Variants in CRIM1 observed in about 807,000 individuals in gnomAD.
The protein encoded by CRIM1 is cysteine-rich motor neuron 1 protein.
A neutral mutation model predicts 116.4 loss-of-function variants in CRIM1; 32 were observed. The ratio of observed to expected loss-of-function variants is 0.27; its 90% CI spans 0.21 to 0.37. CRIM1 has a LOEUF of 0.37. Among genes scored for constraint, CRIM1 ranks in the 10% least tolerant of loss-of-function variants. The pLI, the probability that CRIM1 is intolerant of heterozygous loss-of-function variation, is 1.00. For missense variants in CRIM1, 1,331 were observed against 1,354.8 expected (o/e 0.98, Z 0.28); for synonymous variants, 590 against 509.2 (o/e 1.16, Z -2.13).
In CRIM1 at chr2:36,479,582, C is replaced by G; in HGVS notation, c.1260C>G (p.Asp420Glu). Residue 420 changes from aspartate to glutamate, a missense_variant, in exon 7 of 17, where the codon GAC becomes GAG. This residue lies in a region of CRIM1 where 690 missense variants were observed against 676.0 expected (regional missense o/e 1.02). Coordinates refer to ENST00000280527, the MANE Select transcript of CRIM1 (RefSeq NM_016441.3). ...ACGGAGACCGGTGGCGGGAAGACGA[C>G]TGCACATTCTGCCAGTGCGTCAACG... is the stretch of plus-strand genomic sequence containing the variant. ...LAHGDRWRED[D>E]CTFCQCVNGE... 1.2e-6 allele frequency: 2 copies of G among 1,614,226 alleles called. No homozygotes were observed. Among genetic ancestry groups the G allele is most frequent in the Non-Finnish European group, 1.7e-6 (2 of 1,180,046 alleles).
chr2:36,476,403 G>T (rs571771306), intron 5 of CRIM1, among the ~76,000 whole-genome samples: 1 of 152,136 alleles, frequency 6.6e-6, no homozygotes. Context: ...AAAATTATAC[G>T]TGTTTATACC....
Position 36,548,891 on chromosome 2 carries a change from G to C in CRIM1, c.*190G>C, listed in dbSNP as rs766978014. ...AACAAGCATTCCCACTTTTCCTCAA[G>C]ATAACTGACCAAGTGTTTTCTTAGA... On this transcript the variant is annotated 3_prime_UTR_variant, in exon 17 of 17. Transcript: ENST00000280527. The C allele has an allele frequency of 3.2e-4, 126 of 395,700 alleles. No homozygotes were observed. The highest frequency in any genetic ancestry group is 5.0e-4 in the Non-Finnish European group (113 of 226,102). The allele number at this position is 395,700 out of a possible 1,614,324, so 24.5% of individuals were successfully genotyped here.
chr2:36,365,997 A>G (rs983054597), intron 1 of CRIM1, among the ~76,000 whole-genome samples: 2 of 152,224 alleles, frequency 1.3e-5, no homozygotes, highest in African/African-American at 4.8e-5. Flanking sequence ...AAGTGCTGGG[A>G]TTACAGGCGT....
chr2:36,535,246 GGA>G (rs1291925687), intron 13 of CRIM1, among the ~76,000 whole-genome samples: 1 of 151,612 alleles, frequency 6.6e-6, no homozygotes, highest in Admixed American at 6.6e-5. Flanking sequence ...GGAGGGGGAA[GGA>G]GAGAGGGGAA....
At chr2:36,522,540 G>A (rs777174734) in intron 13 of CRIM1, among the ~76,000 whole-genome samples, 2 of 152,066 alleles carry the variant, frequency 1.3e-5, no homozygotes, top group African/African-American at 2.4e-5. Context: ...GGTGGCTCAC[G>A]CCTGCAATCC....
At chr2:36,421,364 C>G (rs1385134116) in intron 2 of CRIM1, among the ~76,000 whole-genome samples, 1 of 152,174 alleles carries the variant, frequency 6.6e-6, no homozygotes, top group African/African-American at 2.4e-5. Context: ...TGCTTACTCA[C>G]TATTACAATT....
intron 13 of CRIM1, among the ~76,000 whole-genome samples, chr2:36,533,829 A>C (rs1666286228): frequency 6.6e-6 from 1 of 152,180 alleles, no homozygotes; most frequent in Non-Finnish European, 1.5e-5. Flanking sequence ...TATCATTCAG[A>C]AAACACCACA....
chr2:36,411,383 A>T (rs767029506), intron 2 of CRIM1, among the ~76,000 whole-genome samples: 1 of 152,198 alleles, frequency 6.6e-6, no homozygotes, highest in Non-Finnish European at 1.5e-5. Context: ...TATATCAAGA[A>T]CTAAACCTCT....
chr2:36,517,432 C>T lies in CRIM1; in HGVS notation c.2096C>T (p.Thr699Ile). 2 of 1,614,238 alleles carry T rather than the reference C, an allele frequency of 1.2e-6. No homozygotes were observed. Among genetic ancestry groups the T allele is most frequent in the South Asian group, 2.2e-5 (2 of 91,088 alleles). The part of the protein sequence containing the change: ...EGETWNIDSC[T>I]QCTCHSGRVL... ...GAAACGTGGAACATTGACTCCTGTA[C>T]TCAGTGCACCTGCCACAGCGGACGG... Residue 699 changes from threonine to isoleucine, a missense_variant, in exon 12 of 17, where the codon ACT becomes ATT. Around this residue, in one of 3 missense-constraint regions of CRIM1, gnomAD observed 358 missense variants for 436.1 expected, o/e 0.82. Coordinates refer to ENST00000280527, the MANE Select transcript of CRIM1 (RefSeq NM_016441.3).
chr2:36,424,585 G>A (rs559188091), intron 2 of CRIM1, among the ~76,000 whole-genome samples: 1 of 152,238 alleles, frequency 6.6e-6, no homozygotes, highest in East Asian at 1.9e-4. Context: ...TGGCCACTGT[G>A]CTACTTCACA....
chr2:36,533,891 T>C (rs1182687600), intron 13 of CRIM1, among the ~76,000 whole-genome samples: 1 of 151,498 alleles, frequency 6.6e-6, no homozygotes, highest in African/African-American at 2.4e-5. Context: ...CTTCCCATCA[T>C]TATTCTCGTG....
chr2:36,544,114 C>T (rs1178386968), intron 14 of CRIM1, among the ~76,000 whole-genome samples: 1 of 152,136 alleles, frequency 6.6e-6, no homozygotes, highest in Non-Finnish European at 1.5e-5. Flanking sequence ...AAACCAACAC[C>T]ATTTGACGTG....
chr2:36,416,450 A>G (rs543509527), intron 2 of CRIM1, among the ~76,000 whole-genome samples: 57 of 152,304 alleles, frequency 3.7e-4, no homozygotes, highest in African/African-American at 1.3e-3. Flanking sequence ...ACAATCAATA[A>G]AGGTGCTGTG....
chr2:36,488,467 G>A (rs1679993345), intron 7 of CRIM1, among the ~76,000 whole-genome samples: 1 of 152,196 alleles, frequency 6.6e-6, no homozygotes, highest in Admixed American at 6.5e-5. Flanking sequence ...AGCAAAGCCA[G>A]ATCTTGGTCC....
intron 8 of CRIM1, among the ~76,000 whole-genome samples, chr2:36,506,896 C>T (rs1474246904): frequency 6.6e-6 from 1 of 151,964 alleles, no homozygotes; most frequent in Non-Finnish European, 1.5e-5. Flanking sequence ...CTCACCCTGT[C>T]ACCCAGGCTG....
At chr2:36,435,004 A>G (rs1369522750) in intron 2 of CRIM1, among the ~76,000 whole-genome samples, 2 of 152,122 alleles carry the variant, frequency 1.3e-5, no homozygotes, top group Admixed American at 6.5e-5. Context: ...CAAAGCCTTT[A>G]TCATAACCTG....
rs750874576 is a variant in CRIM1, at chr2:36,499,203, C to T, written c.1373-16C>T. 145 of 1,591,420 alleles carry T rather than the reference C, an allele frequency of 9.1e-5. No individual in the cohort carries two copies. Among genetic ancestry groups the T allele is most frequent in the Non-Finnish European group, 1.1e-4 (133 of 1,163,862 alleles). ...CATATGTTTCATTGGTTATTTTTTT[C>T]TCTATTTATTATTAGAACCAACCAT... On this transcript the variant is annotated splice_polypyrimidine_tract_variant and intron_variant, in intron 7 of 16. Transcript: ENST00000280527.
intron 1 of CRIM1, among the ~76,000 whole-genome samples, chr2:36,363,309 A>G (rs1396445702): frequency 6.6e-6 from 1 of 152,106 alleles, no homozygotes; most frequent in African/African-American, 2.4e-5. Context: ...GGGTTGCTAT[A>G]AGGACTCAGT....
intron 5 of CRIM1, among the ~76,000 whole-genome samples, chr2:36,468,507 C>T (rs144255541): frequency 9.6e-4 from 146 of 152,260 alleles, no homozygotes; most frequent in African/African-American, 3.4e-3. Flanking sequence ...TGAACAAGAT[C>T]CTTGTTATTT....
Sources: gnomAD v4.1 joint callset for allele counts (sites outside exome capture counted in the v4.1 genomes callset) on GRCh38, gnomAD v4.1.1 for gene constraint, gnomAD v4.1.1 regional missense constraint, MANE v1.5 for transcripts, NCBI Gene and HGNC (gene_info 2026-07-23, HGNC 2026-07-21) for gene names.